Variants in FHOD3 observed in about 807,000 individuals in gnomAD.
FHOD3 encodes the protein formin homology 2 domain containing 3, also known as FH1/FH2 domain-containing protein 3.
A neutral mutation model predicts 173.0 loss-of-function variants in FHOD3; 90 were observed. The ratio of observed to expected loss-of-function variants is 0.52; its 90% CI spans 0.44 to 0.62. The LOEUF is 0.62. FHOD3 is among the 20% of genes least tolerant of loss of function. The pLI is 0.00. For missense variants in FHOD3, 1,945 were observed against 2,034.7 expected (o/e 0.96, Z 0.85); for synonymous variants, 828 against 823.0 (o/e 1.01, Z -0.10).
intron 18 of FHOD3, among the ~76,000 whole-genome samples, chr18:36,716,914 A>ATGTGTGTGTGTGTGTGTGTG (rs57041859): frequency 8.0e-5 from 11 of 136,812 alleles, no homozygotes; most frequent in African/African-American, 2.7e-4. Flanking sequence ...ATATATGTGT[A>ATGTGTGTGTGTGTGTGTGTG]TGTGTGTGTG....
chr18:36,674,408 C>T (rs900486753), intron 14 of FHOD3, among the ~76,000 whole-genome samples: 1 of 152,112 alleles, frequency 6.6e-6, no homozygotes, highest in African/African-American at 2.4e-5. Flanking sequence ...GAGACAGGGT[C>T]TTGCTCTGTC....
intron 3 of FHOD3, among the ~76,000 whole-genome samples, chr18:36,416,226 G>T (rs555927892): frequency 6.6e-6 from 1 of 152,090 alleles, no homozygotes; most frequent in Non-Finnish European, 1.5e-5. Flanking sequence ...TTAGAGACAG[G>T]GTTCCACCAT....
chr18:36,424,579 C>T (rs1382445751), intron 3 of FHOD3, among the ~76,000 whole-genome samples: 2 of 152,150 alleles, frequency 1.3e-5, no homozygotes, highest in Middle Eastern at 3.2e-3. Flanking sequence ...GCTCAATAAA[C>T]ATTTGTTGAA....
At chr18:36,602,227 C>T (rs2031485269) in intron 7 of FHOD3, among the ~76,000 whole-genome samples, 1 of 152,192 alleles carries the variant, frequency 6.6e-6, no homozygotes, top group Non-Finnish European at 1.5e-5. Context: ...ATTTGCTAGA[C>T]AGGCATGTCA....
At chr18:36,596,032 TTG>T (rs145370376) in intron 7 of FHOD3, among the ~76,000 whole-genome samples, 3 of 151,928 alleles carry the variant, frequency 2.0e-5, no homozygotes, top group Non-Finnish European at 4.4e-5. Context: ...TTCCTTATAG[TTG>T]TGTGTGTGTG....
In FHOD3 at chr18:36,636,656, G is replaced by GTTT. The variant is rs34551927; in HGVS notation, c.1196+10920_1196+10922dup. On this transcript the variant is annotated intron_variant, in intron 10 of 28. Coordinates refer to ENST00000590592, the MANE Select transcript of FHOD3 (RefSeq NM_001281740.3). Reference sequence around the variant, plus strand: ...CCAGATAAATAATTTCATTCCTGAGGTTTTTTTTTTTTTTTCCAGCCATGT... The same window carrying GTTT: ...CCAGATAAATAATTTCATTCCTGAGGTTTTTTTTTTTTTTTTTTCCAGCCATGT... Among the ~76,000 whole-genome samples the GTTT allele has an allele frequency of 5.4e-3, 762 of 142,002 alleles. 10 individuals carry two copies. The highest frequency in any genetic ancestry group is 0.019 in the African/African-American group (727 of 38,668). 93.2% of individuals were successfully genotyped at this position (142,002 alleles called of 152,430 possible).
chr18:36,469,191 C>A (rs2053130601), intron 3 of FHOD3, among the ~76,000 whole-genome samples: 1 of 152,170 alleles, frequency 6.6e-6, no homozygotes, highest in South Asian at 2.1e-4. Flanking sequence ...CCCATCCTAT[C>A]ACCAGGTATA....
chr18:36,668,443 A>T (rs1197245663), intron 14 of FHOD3, among the ~76,000 whole-genome samples: 1 of 150,678 alleles, frequency 6.6e-6, no homozygotes, highest in African/African-American at 2.4e-5. Flanking sequence ...AGATTTATCA[A>T]TTTTTTTTTG....
chr18:36,714,810 G>C (rs2040359592), intron 18 of FHOD3, among the ~76,000 whole-genome samples: 1 of 152,170 alleles, frequency 6.6e-6, no homozygotes, highest in Non-Finnish European at 1.5e-5. Flanking sequence ...ACCTAAAAGA[G>C]GGTTCAGTAG....
intron 22 of FHOD3, among the ~76,000 whole-genome samples, 173 bp from the exon 23 acceptor site, chr18:36,743,859 G>A (rs1481826878): frequency 6.6e-6 from 1 of 152,148 alleles, no homozygotes; most frequent in African/African-American, 2.4e-5. Flanking sequence ...CATTCTCAGG[G>A]TGGCTGGCCC....
At chr18:36,636,324 G>A (rs961015189) in intron 10 of FHOD3, among the ~76,000 whole-genome samples, 1 of 152,144 alleles carries the variant, frequency 6.6e-6, no homozygotes, top group Admixed American at 6.5e-5. Flanking sequence ...GGAGTACTAA[G>A]CTGGGTTGAT....
rs748861033 is a variant in FHOD3, at chr18:36,625,585, C to T, written c.1032C>T (p.Ala344=). ...PPSGCRDRRR[A]SVCSSGGGEH... is the part of the protein sequence containing the mutation. ...GTGGGTGCCGGGACCGGAGGAGGGC[C>T]AGCGTGTGTTCCAGTGGCGGAGGCG... The change falls in exon 10 of 29, where the codon GCC becomes GCT. Residue 344 remains alanine (A), a synonymous_variant. Coordinates refer to ENST00000590592, the MANE Select transcript of FHOD3 (RefSeq NM_001281740.3). 3 of 1,568,894 alleles carry T rather than the reference C, an allele frequency of 1.9e-6. No individual in the cohort carries two copies. Among genetic ancestry groups the T allele is most frequent in the South Asian group, 2.3e-5 (2 of 87,054 alleles).
At chr18:36,345,198 T>C (rs939101583) in intron 1 of FHOD3, among the ~76,000 whole-genome samples, 7 of 137,496 alleles carry the variant, frequency 5.1e-5, no homozygotes, top group African/African-American at 1.8e-4. Context: ...ATTCCAATCA[T>C]ACAGAGTATG....
chr18:36,441,179 T>C (rs1267131580), intron 3 of FHOD3, among the ~76,000 whole-genome samples: 1 of 151,668 alleles, frequency 6.6e-6, no homozygotes, highest in Non-Finnish European at 1.5e-5. Context: ...TCAGTAAAAA[T>C]GGGTGAGGTG....
At chr18:36,671,389 T>C (rs1299906917) in intron 14 of FHOD3, among the ~76,000 whole-genome samples, 3 of 152,268 alleles carry the variant, frequency 2.0e-5, no homozygotes, top group African/African-American at 7.2e-5. Flanking sequence ...CACCATCTGA[T>C]GGCCAGTTTC....
intron 16 of FHOD3, among the ~76,000 whole-genome samples, chr18:36,688,980 A>AC (rs56393757): frequency 0.013 from 2,003 of 152,278 alleles, 12 homozygotes; most frequent in Middle Eastern, 0.034. Flanking sequence ...CAGCCTGGAC[A>AC]CAGGAGTGTG....
intron 3 of FHOD3, among the ~76,000 whole-genome samples, chr18:36,470,632 TTTACAGA>T (rs2053226396): frequency 6.6e-6 from 1 of 152,214 alleles, no homozygotes; most frequent in Admixed American, 6.5e-5. Context: ...CTTGATAGTC[TTTACAGA>T]TACTGGATCC....
intron 5 of FHOD3, among the ~76,000 whole-genome samples, chr18:36,564,064 A>G (rs956769554): frequency 8.5e-5 from 13 of 152,084 alleles, no homozygotes; most frequent in African/African-American, 3.1e-4. Flanking sequence ...TCATTGGCCA[A>G]GCCCTTGTCA....
At chr18:36,322,785 A>G (rs1302270376) in intron 1 of FHOD3, among the ~76,000 whole-genome samples, 1 of 151,928 alleles carries the variant, frequency 6.6e-6, no homozygotes, top group Non-Finnish European at 1.5e-5. Context: ...TGGCTTTGTC[A>G]TCCCTCTACC....
Sources: allele counts gnomAD v4.1 joint callset (sites outside exome capture counted in the v4.1 genomes callset), GRCh38; gene constraint gnomAD v4.1.1; transcripts MANE v1.5; gene names NCBI Gene and HGNC (gene_info 2026-07-23, HGNC 2026-07-21).